Variants in SNX24 observed in about 807,000 individuals in gnomAD.
SNX24 encodes sorting nexin-24.
SNX24 carries 22 observed loss-of-function variants against 28.7 expected under a neutral mutation model. The observed-to-expected ratio is 0.77, with a 90% CI of 0.55 to 1.10. The LOEUF (loss-of-function observed/expected upper bound fraction) is 1.10, where lower values mean the gene tolerates loss of function less well. Ranked by LOEUF, SNX24 falls within the 50% of genes least tolerant of loss-of-function variation. The probability of loss-of-function intolerance (pLI) is 0.00; values close to 1 mark genes in which losing one functional copy is unlikely to be tolerated. For synonymous variants in SNX24, 69 were observed against 71.5 expected (o/e 0.96, Z 0.18); for missense variants, 221 against 201.1 (o/e 1.10, Z -0.60).
intron 1 of SNX24, among the ~76,000 whole-genome samples, chr5:122,913,695 TC>T (rs1758022769): frequency 6.6e-6 from 1 of 152,090 alleles, no homozygotes; most frequent in Non-Finnish European, 1.5e-5. Flanking sequence ...TCTCCTCACT[TC>T]CTAGATGGGA....
At chr5:122,942,349 G>C (rs940870605) in intron 2 of SNX24, among the ~76,000 whole-genome samples, 1 of 152,258 alleles carries the variant, frequency 6.6e-6, no homozygotes, top group East Asian at 1.9e-4. Context: ...CTGCCATGTG[G>C]GGTCAAACCA....
intron 3 of SNX24, among the ~76,000 whole-genome samples, chr5:122,987,709 G>T (rs1761662993): frequency 6.6e-6 from 1 of 152,114 alleles, no homozygotes; most frequent in Non-Finnish European, 1.5e-5. Context: ...GGGGGCTAAT[G>T]GGAGTCAGAA....
Position 122,959,815 on chromosome 5 carries a change from G to C in SNX24, c.249+13656G>C, listed in dbSNP as rs528595899. Reference sequence around the variant, plus strand: ...GAAAATTTAGTACATGGACACACACGAGGAGTTAGGAGCAGAGGTTTTGAT... The same window carrying C: ...GAAAATTTAGTACATGGACACACACCAGGAGTTAGGAGCAGAGGTTTTGAT... On this transcript the variant is annotated intron_variant, in intron 3 of 6. Transcript: ENST00000261369. 3.7e-4 allele frequency among the ~76,000 whole-genome samples: 57 copies of C among 152,160 alleles called. 2 individuals carry two copies. In the South Asian group the frequency reaches 9.7e-3, roughly 26 times the overall value.
chr5:122,859,112 C>A (rs898251252), intron 1 of SNX24, among the ~76,000 whole-genome samples: 1 of 152,106 alleles, frequency 6.6e-6, no homozygotes, highest in Non-Finnish European at 1.5e-5. Context: ...AATCATTTGC[C>A]TGGATATTGT....
chr5:123,007,786 C>CG lies in SNX24; in HGVS notation c.*38dup. On this transcript the variant is annotated 3_prime_UTR_variant, in exon 7 of 7. Coordinates refer to ENST00000261369, the MANE Select transcript of SNX24 (RefSeq NM_014035.4). Reference sequence around the variant, plus strand: ...GGCTAAAAGAAGCAGAAGCAAGTTTCGAAGTCACAGTCAAGGAAATCAATA... The same window carrying CG: ...GGCTAAAAGAAGCAGAAGCAAGTTTCGGAAGTCACAGTCAAGGAAATCAATA... The CG allele has an allele frequency of 6.3e-7, 1 of 1,579,308 alleles. No homozygotes were observed.
intron 3 of SNX24, among the ~76,000 whole-genome samples, chr5:122,959,126 T>C (rs1357638365): frequency 1.3e-5 from 2 of 152,256 alleles, no homozygotes; most frequent in Non-Finnish European, 2.9e-5. Context: ...CCAGAGCTTT[T>C]CTGTGTCAGG....
intron 1 of SNX24, among the ~76,000 whole-genome samples, chr5:122,881,562 A>T (rs1428892557): frequency 1.3e-5 from 2 of 152,150 alleles, no homozygotes; most frequent in African/African-American, 2.4e-5. Flanking sequence ...AGTCAGAGAG[A>T]TCTGTGTTGA....
intron 1 of SNX24, among the ~76,000 whole-genome samples, chr5:122,927,856 C>T (rs1285398981): frequency 6.6e-6 from 1 of 152,114 alleles, no homozygotes; most frequent in Non-Finnish European, 1.5e-5. Flanking sequence ...GTCTAATGTG[C>T]ATCTCAAACT....
In SNX24 at chr5:122,874,754, A is replaced by G. The variant is rs140674864; in HGVS notation, c.60+29061A>G. Reference sequence around the variant, plus strand: ...TGAAGAGTGAACTCTGGAGTTGAGGAAACCTGGACAGGCCCCTGGCCCTAC... The same window carrying G: ...TGAAGAGTGAACTCTGGAGTTGAGGGAACCTGGACAGGCCCCTGGCCCTAC... On this transcript the variant is annotated intron_variant, in intron 1 of 6. Transcript: ENST00000261369. Among the ~76,000 whole-genome samples the G allele has an allele frequency of 7.7e-3, 1,172 of 152,292 alleles. 10 individuals are homozygous for G. The highest frequency in any genetic ancestry group is 0.059 in the East Asian group (306 of 5,170).
intron 5 of SNX24, chr5:123,025,811 C>G (rs747531352): frequency 6.2e-7 from 1 of 1,613,284 alleles, no homozygotes; most frequent in South Asian, 1.1e-5. Flanking sequence ...TTCCAAACAC[C>G]ACATGTTTGC....
At chr5:122,958,149 T>G (rs1323856820) in intron 3 of SNX24, among the ~76,000 whole-genome samples, 1 of 152,208 alleles carries the variant, frequency 6.6e-6, no homozygotes, top group African/African-American at 2.4e-5. Flanking sequence ...ATTATGATAT[T>G]TACTGTGGGT....
At chr5:122,936,672 A>G in intron 1 of SNX24, 62 bp from the exon 2 acceptor site, 2 of 970,262 alleles carry the variant, frequency 2.1e-6, no homozygotes, top group Non-Finnish European at 3.2e-6. Context: ...TCACAAACTT[A>G]CCACATCAGA....
At chr5:122,922,251 TTTTG>T (rs1294845267) in intron 1 of SNX24, among the ~76,000 whole-genome samples, 16 of 152,112 alleles carry the variant, frequency 1.1e-4, no homozygotes, top group Admixed American at 8.5e-4. Flanking sequence ...TTTGTGGGGT[TTTTG>T]TTTGTTTGTT....
At position 123,001,420 on chromosome 5, in the gene SNX24, A is replaced by G; in HGVS notation, c.360A>G (p.Thr120=). The G allele has an allele frequency of 6.2e-7, 1 of 1,605,778 alleles. No homozygotes were observed. The highest frequency in any genetic ancestry group is 8.5e-7 in the Non-Finnish European group (1 of 1,173,444). The change falls in exon 5 of 7, where the codon ACA becomes ACG. Residue 120 remains threonine, a synonymous_variant. Transcript: ENST00000261369. The part of the protein sequence containing the change: ...KAESCGSFDE[T]ESEESSKLSH... The stretch of plus-strand genomic sequence containing the variant: ...AAACTTTTAGATCTTTTGATGAAAC[A>G]GAGTCTGAAGAGTCAAGGTAAGGAC...
At chr5:123,006,639 GTGTGATGGGGCAC>G (rs1404056620) in intron 6 of SNX24, among the ~76,000 whole-genome samples, 1 of 152,174 alleles carries the variant, frequency 6.6e-6, no homozygotes, top group Non-Finnish European at 1.5e-5. Context: ...TTCTTCCCAG[GTGTGATGGGGCAC>G]CCCGTGCCCT....
intron 6 of SNX24, among the ~76,000 whole-genome samples, chr5:123,004,695 A>T (rs1252750300): frequency 6.6e-6 from 1 of 152,056 alleles, no homozygotes; most frequent in Admixed American, 6.6e-5. Flanking sequence ...GGACCTCCTC[A>T]TACACTTTGC....
chr5:122,856,444 G>A (rs556005497), intron 1 of SNX24, among the ~76,000 whole-genome samples: 5 of 137,160 alleles, frequency 3.6e-5, no homozygotes, highest in South Asian at 2.2e-4. Context: ...ATATGCGTAT[G>A]TGGCTTTATG....
At chr5:122,884,682 G>A (rs1007470591) in intron 1 of SNX24, among the ~76,000 whole-genome samples, 3 of 152,192 alleles carry the variant, frequency 2.0e-5, no homozygotes, top group South Asian at 2.1e-4. Flanking sequence ...TGTAAGGTGT[G>A]TCAGGTAGGG....
At chr5:122,878,155 G>A (rs1309724600) in intron 1 of SNX24, among the ~76,000 whole-genome samples, 1 of 152,148 alleles carries the variant, frequency 6.6e-6, no homozygotes, top group Non-Finnish European at 1.5e-5. Context: ...GGGACCCGGG[G>A]TGGGAAAATG....
Sources: allele counts gnomAD v4.1 joint callset (sites outside exome capture counted in the v4.1 genomes callset), GRCh38; gene constraint gnomAD v4.1.1; transcripts MANE v1.5; gene names NCBI Gene and HGNC (gene_info 2026-07-23, HGNC 2026-07-21).